The following CELF2 variants were observed in gnomAD, a reference collection of about 807,000 sequenced individuals.
CELF2 encodes the protein CUGBP Elav-like family member 2, also known as CUG triplet repeat RNA-binding protein 2.
CELF2 carries 8 observed loss-of-function variants against 62.6 expected under a neutral mutation model. The ratio of observed to expected loss-of-function variants is 0.13; its 90% confidence interval spans 0.07 to 0.23. The LOEUF is 0.23. CELF2 is among the 10% of genes least tolerant of loss of function. The pLI is 1.00. For missense variants in CELF2, 333 were observed against 671.0 expected (o/e 0.50, Z 5.56); for synonymous variants, 258 against 250.0 (o/e 1.03, Z -0.30).
Position 11,246,455 on chromosome 10 carries a change from C to G in CELF2, c.355-2698C>G, listed in dbSNP as rs2765974. Reference sequence around the variant, plus strand: ...AAAATAGAAGAAGCCCTCATTCACCCTATCTACTGTTACCCTCCTCCTTTC... The same window carrying G: ...AAAATAGAAGAAGCCCTCATTCACCGTATCTACTGTTACCCTCCTCCTTTC... On this transcript the variant is annotated intron_variant, in intron 3 of 12. Coordinates refer to ENST00000633077, the MANE Select transcript of CELF2 (RefSeq NM_001326342.2). The surrounding 1 kb of genome is among the most constrained non-coding windows in gnomAD (Gnocchi z 4.6). 6.6e-6 allele frequency among the ~76,000 whole-genome samples: 1 copy of G among 151,996 alleles called. No individual in the cohort carries two copies. The highest frequency in any genetic ancestry group is 1.5e-5 in the Non-Finnish European group (1 of 67,994).
In CELF2 at chr10:11,333,444, G is replaced by GT; in HGVS notation, c.*4392dup. On this transcript the variant is annotated 3_prime_UTR_variant, in exon 13 of 13. Transcript: ENST00000633077. ...TGATACAATGGCAGTCCTCAAAGGCGTAACGAGTTCATCTTTCTTTCACCA... is the reference window on the plus strand; with the variant it reads ...TGATACAATGGCAGTCCTCAAAGGCGTTAACGAGTTCATCTTTCTTTCACCA... The GT allele has an allele frequency of 6.6e-6, 1 of 152,478 alleles. No individual in the cohort carries two copies. Among genetic ancestry groups the GT allele is most frequent in the South Asian group, 2.1e-4 (1 of 4,828 alleles). The allele number at this position is 152,478 out of a possible 1,614,324, so 9.4% of individuals were successfully genotyped here.
chr10:11,135,427 A>G (rs75054185), intron 1 of CELF2, among the ~76,000 whole-genome samples: 8,552 of 152,304 alleles, frequency 0.056, 294 homozygotes, highest in African/African-American at 0.088. Flanking sequence ...TTGGTTTGTC[A>G]AAAAACCATT....
intron 1 of CELF2, among the ~76,000 whole-genome samples, chr10:10,847,858 T>A (rs564416381): frequency 6.6e-6 from 1 of 152,352 alleles, no homozygotes; most frequent in South Asian, 2.1e-4. Context: ...TATCTGTGAA[T>A]GTGAAGATAC....
chr10:10,571,344 C>G, the CELF2 span, among the ~76,000 whole-genome samples: 1 of 152,152 alleles, frequency 6.6e-6, no homozygotes, highest in Non-Finnish European at 1.5e-5. Flanking sequence ...CCTGGGAAGG[C>G]ACTGCAAGAA....
chr10:10,703,075 G>A, the CELF2 span, among the ~76,000 whole-genome samples: 2 of 152,128 alleles, frequency 1.3e-5, no homozygotes, highest in African/African-American at 4.8e-5. Flanking sequence ...GAACCAACCC[G>A]ACTTCTTCAG....
intron 1 of CELF2, among the ~76,000 whole-genome samples, chr10:10,832,796 A>G: frequency 6.6e-6 from 1 of 152,184 alleles, no homozygotes; most frequent in Non-Finnish European, 1.5e-5. Flanking sequence ...ACCCCTGAGA[A>G]CATGCATTCA....
At chr10:11,118,037 G>T (rs2056938409) in intron 1 of CELF2, among the ~76,000 whole-genome samples, 2 of 151,916 alleles carry the variant, frequency 1.3e-5, no homozygotes, top group South Asian at 4.2e-4. Context: ...GCATTTAATT[G>T]TCTTAGATGC....
At chr10:10,796,945 C>T (rs904950293), upstream of CELF2, 2 of 958,850 alleles carry the variant, frequency 2.1e-6, no homozygotes, top group Non-Finnish European at 2.5e-6. Context: ...GACAGTTGCA[C>T]TTCTGAAGAA....
At chr10:10,823,530 G>T (rs1451612716) in intron 1 of CELF2, among the ~76,000 whole-genome samples, 1 of 151,974 alleles carries the variant, frequency 6.6e-6, no homozygotes, top group African/African-American at 2.4e-5. Context: ...AAGGGCTTTT[G>T]TTATCTGAGC....
rs546679079 is a variant in CELF2, at chr10:11,143,406, T to C, written c.75-22080T>C. Among the ~76,000 whole-genome samples the C allele has an allele frequency of 3.2e-4, 49 of 152,332 alleles. No individual in the cohort carries two copies. In the South Asian group the frequency reaches 1.0e-2, roughly 31 times the overall value. ...GTTTCAGGCCCTAGGGACTTGACCA[T>C]TGCAGCTTAAGATCGCCATATGTGT... On this transcript the variant is annotated intron_variant, in intron 1 of 12. Coordinates refer to ENST00000633077, the MANE Select transcript of CELF2 (RefSeq NM_001326342.2).
In CELF2 at chr10:10,951,038, C is replaced by G. The variant is rs79588801; in HGVS notation, c.89+31039C>G. On this transcript the variant is annotated intron_variant, in intron 2 of 13. Transcript: ENST00000636488. The stretch of plus-strand genomic sequence containing the variant: ...GCTCCTGTCCCAATTTCAGACCCCT[C>G]TATTTCATGATTTGTTATTTAGCTA... 9.7e-3 allele frequency among the ~76,000 whole-genome samples: 1,483 copies of G among 152,324 alleles called. 18 individuals carry two copies. The highest frequency in any genetic ancestry group is 0.034 in the African/African-American group (1,410 of 41,558).
intron 1 of CELF2, among the ~76,000 whole-genome samples, chr10:10,810,896 C>A (rs1002234797): frequency 6.6e-6 from 1 of 152,160 alleles, no homozygotes; most frequent in South Asian, 2.1e-4. Context: ...TAATTTCCAA[C>A]TCAGGCATCA....
Position 10,853,277 on chromosome 10 carries a change from G to A in CELF2, c.53+54460G>A, listed in dbSNP as rs562727783. ...ATTACAGGTGTAAGGCACTGCACCC[G>A]GCCTATTAATCATTATTTTAACTTT... On this transcript the variant is annotated intron_variant, in intron 1 of 13. Transcript: ENST00000636488. 2.7e-4 allele frequency among the ~76,000 whole-genome samples: 41 copies of A among 152,206 alleles called. 1 individual carries two copies. The South Asian group carries it at 7.5e-3, about 28-fold the overall frequency.
chr10:10,852,332 A>G (rs2059434183), intron 1 of CELF2, among the ~76,000 whole-genome samples: 1 of 152,242 alleles, frequency 6.6e-6, no homozygotes, highest in Non-Finnish European at 1.5e-5. Context: ...GAATGAAAAA[A>G]GCCAATTCCA....
At chr10:10,611,162 T>C in the CELF2 span, among the ~76,000 whole-genome samples, 1 of 152,068 alleles carries the variant, frequency 6.6e-6, no homozygotes, top group Non-Finnish European at 1.5e-5. Context: ...GAAAGAACTG[T>C]GGCCTCATGC....
chr10:10,558,400 G>A, the CELF2 span, among the ~76,000 whole-genome samples: 1 of 152,002 alleles, frequency 6.6e-6, no homozygotes, highest in South Asian at 2.1e-4. Context: ...TGATCATGGT[G>A]GATAAGCTTT....
At chr10:10,797,936 C>G (rs889714152), upstream of CELF2, among the ~76,000 whole-genome samples, 1 of 151,926 alleles carries the variant, frequency 6.6e-6, no homozygotes, top group Non-Finnish European at 1.5e-5. Context: ...CAATTTCAAA[C>G]GAGTATTGGA....
intron 2 of CELF2, among the ~76,000 whole-genome samples, chr10:11,212,962 A>G (rs773756028): frequency 6.6e-6 from 1 of 152,180 alleles, no homozygotes; most frequent in African/African-American, 2.4e-5. Flanking sequence ...TCAAATGAGC[A>G]AAGTGGAAAT....
rs560262421 is a variant in CELF2, at chr10:11,117,762, C to T, written c.75-47724C>T. On this transcript the variant is annotated intron_variant, in intron 1 of 12. Coordinates refer to ENST00000633077, the MANE Select transcript of CELF2 (RefSeq NM_001326342.2). This position sits in a 1 kb window ranked among gnomAD's most constrained non-coding sequence, Gnocchi z 4.1. ...CCTTGAGTGGCTCTTCCACTGACCC[C>T]GGAACTTCCAAAGCATCAGGCTTGG... is the stretch of plus-strand genomic sequence containing the variant. 1.3e-4 allele frequency among the ~76,000 whole-genome samples: 20 copies of T among 152,236 alleles called. No individual in the cohort carries two copies. In the South Asian group the frequency reaches 1.4e-3, roughly 11 times the overall value.
Sources: gnomAD v4.1 joint callset for allele counts (sites outside exome capture counted in the v4.1 genomes callset) on GRCh38, gnomAD v4.1.1 for gene constraint, Gnocchi (gnomAD v3.1) non-coding constraint, MANE v1.5 for transcripts, NCBI Gene and HGNC (gene_info 2026-07-23, HGNC 2026-07-21) for gene names.